The following GPR107 variants were observed in gnomAD, a reference collection of about 807,000 sequenced individuals.
GPR107 encodes the protein G protein-coupled receptor 107.
In GPR107, 31 loss-of-function variants were observed where a neutral mutation model predicts 75.5. That is an observed-to-expected ratio of 0.41 (90% CI 0.31 to 0.55). The LOEUF is 0.55. Ranked by LOEUF, GPR107 falls within the 20% of genes least tolerant of loss-of-function variation. GPR107 has a pLI of 0.26. For synonymous variants in GPR107, 267 were observed against 251.3 expected, an observed-to-expected ratio of 1.06 and a Z score of -0.59; for missense variants, 572 against 665.7, an observed-to-expected ratio of 0.86 and a Z score of 1.55.
At chr9:130,066,704 G>T (rs1233942854) in intron 1 of GPR107, among the ~76,000 whole-genome samples, 1 of 152,114 alleles carries the variant, frequency 6.6e-6, no homozygotes, top group South Asian at 2.1e-4. Context: ...GAGCTTGCTT[G>T]GCCGGGCGCG....
At position 130,090,911 on chromosome 9, in the gene GPR107, C is replaced by G; in HGVS notation, c.657C>G (p.Gly219=). The change falls in exon 8 of 18, where the codon GGC becomes GGG. Residue 219 remains glycine (G), a synonymous_variant. Coordinates refer to ENST00000347136, the MANE Select transcript of GPR107 (RefSeq NM_020960.5). ...ACATCAGCACTGATGACCAAGAAGG[C>G]CTTTACAGTCTTTATTTTCATAAAT... is the stretch of plus-strand genomic sequence containing the variant. The part of the protein sequence containing the change: ...FFNISTDDQE[G]LYSLYFHKCL... 1 of 1,535,838 alleles carries G rather than the reference C, an allele frequency of 6.5e-7. No individual in the cohort carries two copies. Among genetic ancestry groups the G allele is most frequent in the South Asian group, 1.1e-5 (1 of 89,348 alleles).
At chr9:130,081,251 A>G (rs542122844) in intron 5 of GPR107, among the ~76,000 whole-genome samples, 3 of 152,138 alleles carry the variant, frequency 2.0e-5, no homozygotes, top group South Asian at 2.1e-4. Context: ...GTTTTTCTCA[A>G]AGGAGGCTGG....
At chr9:130,098,869 A>G (rs958378406) in intron 9 of GPR107, among the ~76,000 whole-genome samples, 1 of 137,640 alleles carries the variant, frequency 7.3e-6, no homozygotes, top group Admixed American at 7.3e-5. Context: ...TTAGCCAGAC[A>G]TCTTGGCGCA....
At chr9:130,105,385 C>T (rs1039903473) in intron 13 of GPR107, among the ~76,000 whole-genome samples, 2 of 152,024 alleles carry the variant, frequency 1.3e-5, no homozygotes, top group Non-Finnish European at 1.5e-5. Flanking sequence ...TCCTGAGTAG[C>T]TGGGATTACA....
At chr9:130,091,053 A>G in intron 8 of GPR107, 70 bp downstream of exon 8, 1 of 721,074 alleles carries the variant, frequency 1.4e-6, no homozygotes, top group South Asian at 1.6e-5. Context: ...TTTCTGTATA[A>G]GATTAGATTT....
chr9:130,087,095 T>C (rs757213250), intron 7 of GPR107, among the ~76,000 whole-genome samples: 2 of 151,748 alleles, frequency 1.3e-5, no homozygotes, highest in Non-Finnish European at 2.9e-5. Flanking sequence ...TGGAGTGCAA[T>C]GGTATAATCA....
At chr9:130,119,335 G>A (rs994536927) in intron 14 of GPR107, among the ~76,000 whole-genome samples, 2 of 152,194 alleles carry the variant, frequency 1.3e-5, no homozygotes, top group African/African-American at 2.4e-5. Context: ...CTTGCCAGAG[G>A]TGGCAGCCGC....
At chr9:130,121,314 G>T (rs139226034) in intron 14 of GPR107, among the ~76,000 whole-genome samples, 2 of 152,112 alleles carry the variant, frequency 1.3e-5, no homozygotes, top group East Asian at 3.8e-4. Flanking sequence ...TAACACTAAC[G>T]ATAGCTGATT....
chr9:130,079,606 T>A (rs751199654), intron 4 of GPR107, 24 bp from the exon 5 acceptor site: 5 of 1,610,458 alleles, frequency 3.1e-6, no homozygotes, highest in Middle Eastern at 1.7e-4. Context: ...TGACCTTTTT[T>A]CCTTCTGTCT....
chr9:130,121,207 C>G (rs1476717454), intron 14 of GPR107, among the ~76,000 whole-genome samples: 1 of 151,942 alleles, frequency 6.6e-6, no homozygotes, highest in Non-Finnish European at 1.5e-5. Context: ...CAAAACAAAA[C>G]AAAACAAAAC....
Position 130,107,352 on chromosome 9 carries a change from G to A in GPR107, c.1263-144G>A, listed in dbSNP as rs1051003599. 7 of 665,834 alleles carry A rather than the reference G, an allele frequency of 1.1e-5. No individual in the cohort carries two copies. In the East Asian group the frequency reaches 1.4e-4, roughly 13 times the overall value. 41.2% of individuals were successfully genotyped at this position (665,834 alleles called of 1,614,324 possible). A position where few individuals can be genotyped will look rare whatever the true frequency, so the allele number is the denominator to read the frequency against. ...ATCAACCATTTCCCCCCCTCTACCC[G>A]TTTTAGGGAGAGTGCTCTAAAGTGA... On this transcript the variant is annotated intron_variant, in intron 13 of 17. Transcript: ENST00000347136.
chr9:130,079,815 T>A (rs1321698856), intron 5 of GPR107, 46 bp downstream of exon 5: 1 of 1,330,212 alleles, frequency 7.5e-7, no homozygotes. Context: ...ACTACCTGCT[T>A]TGTAGCTTTT....
chr9:130,079,302 G>C (rs1229820589), intron 4 of GPR107, among the ~76,000 whole-genome samples: 1 of 152,174 alleles, frequency 6.6e-6, no homozygotes, highest in African/African-American at 2.4e-5. Flanking sequence ...TTTACATTTT[G>C]TCCGTTTCTC....
At chr9:130,115,181 T>C (rs1019083357) in intron 14 of GPR107, among the ~76,000 whole-genome samples, 3 of 152,246 alleles carry the variant, frequency 2.0e-5, no homozygotes, top group Non-Finnish European at 2.9e-5. Context: ...GTGAGAGATA[T>C]AGACTTCCCA....
At position 130,085,635 on chromosome 9, in the gene GPR107, A is replaced by G. The variant is rs575019137; in HGVS notation, c.565-785A>G. Among the ~76,000 whole-genome samples the G allele has an allele frequency of 2.0e-5, 3 of 152,130 alleles. No homozygotes were observed. The South Asian group carries it at 6.2e-4, about 32-fold the overall frequency. ...AGTTTTATAGAACTTCATATAACTG[A>G]ATTATGCAGCACTCTTTTCTGTCTT... On this transcript the variant is annotated intron_variant, in intron 6 of 17. Coordinates refer to ENST00000347136, the MANE Select transcript of GPR107 (RefSeq NM_020960.5).
intron 7 of GPR107, among the ~76,000 whole-genome samples, chr9:130,088,836 T>A (rs1337759553): frequency 6.6e-6 from 1 of 152,144 alleles, no homozygotes; most frequent in Non-Finnish European, 1.5e-5. Flanking sequence ...CTCTCTTCCT[T>A]CTCTCACTTT....
intron 1 of GPR107, among the ~76,000 whole-genome samples, chr9:130,070,794 A>G (rs1830185082): frequency 6.8e-6 from 1 of 147,708 alleles, no homozygotes; most frequent in African/African-American, 2.5e-5. Flanking sequence ...CATAGCTCAC[A>G]GTAGCCTCAA....
At chr9:130,067,295 T>C (rs1830093331) in intron 1 of GPR107, among the ~76,000 whole-genome samples, 1 of 152,216 alleles carries the variant, frequency 6.6e-6, no homozygotes, top group African/African-American at 2.4e-5. Context: ...CTGCTTGTTA[T>C]TAAAGCATCT....
intron 14 of GPR107, among the ~76,000 whole-genome samples, chr9:130,121,828 T>G (rs373304667): frequency 1.3e-5 from 2 of 152,312 alleles, no homozygotes; most frequent in Admixed American, 6.5e-5. Context: ...GTGAAGCGAG[T>G]AGGAGTTTCC....
Sources: gnomAD v4.1 joint callset for allele counts (sites outside exome capture counted in the v4.1 genomes callset) on GRCh38, gnomAD v4.1.1 for gene constraint, MANE v1.5 for transcripts, NCBI Gene and HGNC (gene_info 2026-07-23, HGNC 2026-07-21) for gene names.